The following BNC2 variants were observed in gnomAD, a reference collection of about 807,000 sequenced individuals.
The protein encoded by BNC2 is basonuclin zinc finger protein 2.
In BNC2, 20 loss-of-function variants were observed where a neutral mutation model predicts 76.3. The observed-to-expected ratio is 0.26, with a 90% CI of 0.18 to 0.38. BNC2 has a LOEUF of 0.38. BNC2 is among the 10% of genes least tolerant of loss of function. The pLI, the probability that BNC2 is intolerant of heterozygous loss-of-function variation, is 1.00. For missense variants in BNC2, 1,382 were observed against 1,399.8 expected, an observed-to-expected ratio of 0.99 and a Z score of 0.20; for synonymous variants, 582 against 514.8, an observed-to-expected ratio of 1.13 and a Z score of -1.77.
At chr9:16,617,903 T>C (rs1820755979) in intron 3 of BNC2, among the ~76,000 whole-genome samples, 1 of 152,166 alleles carries the variant, frequency 6.6e-6, no homozygotes, top group African/African-American at 2.4e-5. Context: ...GTACAAGTGG[T>C]GGAAACAGGA....
At chr9:16,437,912 G>A (rs775309237) in intron 5 of BNC2, among the ~76,000 whole-genome samples, 7 of 152,036 alleles carry the variant, frequency 4.6e-5, no homozygotes, top group Admixed American at 1.3e-4. Flanking sequence ...TGAAAAAAAT[G>A]GTACCTTAGT....
intron 4 of BNC2, among the ~76,000 whole-genome samples, chr9:16,557,844 G>GT (rs111731772): frequency 0.019 from 2,816 of 145,850 alleles, 32 homozygotes; most frequent in Non-Finnish European, 0.021. Flanking sequence ...TTTCTTTTCT[G>GT]TTTTTTTTTT....
chr9:16,809,438 G>C (rs954687048), intron 1 of BNC2, among the ~76,000 whole-genome samples: 1 of 152,098 alleles, frequency 6.6e-6, no homozygotes, highest in Admixed American at 6.5e-5. Context: ...TGAGGAGCAA[G>C]AACTCTCTCG....
At chr9:16,729,361 CCTT>C (rs1245534796) in intron 2 of BNC2, among the ~76,000 whole-genome samples, 4 of 152,168 alleles carry the variant, frequency 2.6e-5, no homozygotes, top group Non-Finnish European at 5.9e-5. Flanking sequence ...TCTCCTTGTT[CCTT>C]CTTAACTCAA....
intron 3 of BNC2, among the ~76,000 whole-genome samples, chr9:16,683,671 A>C (rs191626292): frequency 1.6e-4 from 25 of 152,376 alleles, no homozygotes; most frequent in African/African-American, 5.8e-4. Context: ...ATACTCCTGA[A>C]ATAGATAGCT....
Position 16,415,318 on chromosome 9 carries a change from C to G in BNC2, c.*3671G>C, listed in dbSNP as rs966648477. The G allele has an allele frequency of 6.6e-6, 1 of 152,512 alleles. No homozygotes were observed. The highest frequency in any genetic ancestry group is 1.5e-5 in the Non-Finnish European group (1 of 68,038). 9.4% of individuals were successfully genotyped at this position (152,512 alleles called of 1,614,324 possible). On this transcript the variant is annotated 3_prime_UTR_variant, in exon 7 of 7. Coordinates refer to ENST00000380672, the MANE Select transcript of BNC2 (RefSeq NM_017637.6). ...CAGATATTCCCGAAAGCGGACTAAA[C>G]CTGATATTTACAAAAACATAGTTTT...
intron 3 of BNC2, among the ~76,000 whole-genome samples, chr9:16,713,143 C>T (rs1823898331): frequency 6.6e-6 from 1 of 152,126 alleles, no homozygotes; most frequent in African/African-American, 2.4e-5. Context: ...TTTACATGTT[C>T]CTTTTCTCCC....
In BNC2 at chr9:16,509,747, ATTAC is replaced by A. The variant is rs550469274; in HGVS notation, c.669+42779_669+42782del. Among the ~76,000 whole-genome samples the A allele has an allele frequency of 2.4e-4, 37 of 152,348 alleles. No homozygotes were observed. The East Asian group carries it at 6.6e-3, about 27-fold the overall frequency. ...TTGTTATCTGGCCAAAGAAAGCAGT[ATTAC>A]TTGCTATTTTAAAAAGAATCTCCAA... On this transcript the variant is annotated intron_variant, in intron 5 of 6. Transcript: ENST00000380672.
intron 5 of BNC2, among the ~76,000 whole-genome samples, chr9:16,445,087 C>T (rs1821204324): frequency 6.6e-6 from 1 of 151,644 alleles, no homozygotes; most frequent in African/African-American, 2.4e-5. Flanking sequence ...AATGGCCACA[C>T]AAAAAAAATT....
chr9:16,737,011 G>A (rs1824691778), intron 2 of BNC2, among the ~76,000 whole-genome samples: 3 of 150,840 alleles, frequency 2.0e-5, no homozygotes, highest in Admixed American at 6.6e-5. Flanking sequence ...TCTCCATGTT[G>A]GTCAGACTGG....
At chr9:16,830,032 C>G (rs1818546043) in intron 1 of BNC2, among the ~76,000 whole-genome samples, 1 of 152,176 alleles carries the variant, frequency 6.6e-6, no homozygotes, top group Non-Finnish European at 1.5e-5. Flanking sequence ...CACTACATTT[C>G]TGCTATAAAT....
intron 3 of BNC2, among the ~76,000 whole-genome samples, chr9:16,659,935 T>C (rs1318166767): frequency 6.6e-6 from 1 of 152,244 alleles, no homozygotes; most frequent in Non-Finnish European, 1.5e-5. Flanking sequence ...TTTGTTACAC[T>C]GTACCTCCAG....
chr9:16,840,819 GT>G (rs1334923416), intron 1 of BNC2, among the ~76,000 whole-genome samples: 1 of 152,160 alleles, frequency 6.6e-6, no homozygotes, highest in African/African-American at 2.4e-5. Context: ...TCAGAGAAGG[GT>G]TACCACATGT....
chr9:16,565,961 G>A (rs550950693), intron 4 of BNC2, among the ~76,000 whole-genome samples: 1 of 151,854 alleles, frequency 6.6e-6, no homozygotes, highest in East Asian at 1.9e-4. Context: ...GAAGAACCAA[G>A]ATGACGCCAG....
At chr9:16,509,332 G>A (rs948855485) in intron 5 of BNC2, among the ~76,000 whole-genome samples, 6 of 152,140 alleles carry the variant, frequency 3.9e-5, no homozygotes, top group African/African-American at 1.2e-4. Flanking sequence ...GTTGGTAAAT[G>A]TACTACAATC....
intron 1 of BNC2, among the ~76,000 whole-genome samples, chr9:16,807,798 T>A (rs2135811853): frequency 6.6e-6 from 1 of 152,304 alleles, no homozygotes; most frequent in African/African-American, 2.4e-5. Context: ...CACCTGAAAA[T>A]TATCTTTCTG....
chr9:16,837,081 T>C (rs1002429038), intron 1 of BNC2, among the ~76,000 whole-genome samples: 2 of 152,232 alleles, frequency 1.3e-5, no homozygotes, highest in African/African-American at 4.8e-5. Context: ...GAGTCAAATT[T>C]TTATAAGCAT....
intron 5 of BNC2, among the ~76,000 whole-genome samples, chr9:16,448,333 CA>C (rs1216359561): frequency 1.3e-5 from 2 of 151,938 alleles, no homozygotes; most frequent in Admixed American, 6.6e-5. Context: ...AAAATAGGCG[CA>C]AAAAATTTTT....
At chr9:16,586,863 C>G (rs1015258847) in intron 3 of BNC2, among the ~76,000 whole-genome samples, 1 of 152,096 alleles carries the variant, frequency 6.6e-6, no homozygotes, top group Admixed American at 6.6e-5. Context: ...TAAATGAAAC[C>G]CTTACACAGA....
Sources: gnomAD v4.1 joint callset for allele counts (sites outside exome capture counted in the v4.1 genomes callset) on GRCh38, gnomAD v4.1.1 for gene constraint, MANE v1.5 for transcripts, NCBI Gene and HGNC (gene_info 2026-07-23, HGNC 2026-07-21) for gene names.